TTC39B: variants seen among roughly 807,000 people sequenced by gnomAD.
TTC39B encodes tetratricopeptide repeat protein 39B.
In TTC39B, 92 loss-of-function variants were observed where a neutral mutation model predicts 96.6. The ratio of observed to expected loss-of-function variants is 0.95; its 90% CI spans 0.80 to 1.13. The LOEUF (loss-of-function observed/expected upper bound fraction) is 1.13. Among genes scored for constraint, TTC39B ranks in the 50% most tolerant of loss-of-function variants. TTC39B has a pLI of 0.00. For missense variants in TTC39B, 955 were observed against 809.3 expected (o/e 1.18, Z -2.18); for synonymous variants, 367 against 299.4 (o/e 1.23, Z -2.33).
At chr9:15,202,646 A>T (rs971248413) in intron 7 of TTC39B, among the ~76,000 whole-genome samples, 3 of 151,766 alleles carry the variant, frequency 2.0e-5, no homozygotes, top group Non-Finnish European at 4.4e-5. Flanking sequence ...CAGGAGGCAG[A>T]CGTTGCAGTG....
At chr9:15,248,100 A>AGAT (rs1437172617) in intron 2 of TTC39B, among the ~76,000 whole-genome samples, 1 of 152,242 alleles carries the variant, frequency 6.6e-6, no homozygotes, top group Non-Finnish European at 1.5e-5. Context: ...GATTTACCAT[A>AGAT]GATACTGGGC....
chr9:15,247,496 C>A (rs1271535866), intron 2 of TTC39B, among the ~76,000 whole-genome samples: 2 of 152,238 alleles, frequency 1.3e-5, no homozygotes, highest in East Asian at 3.9e-4. Context: ...GTGTACAACT[C>A]TGAACATGGC....
In TTC39B at chr9:15,203,819, T is replaced by C. The variant is rs929811841; in HGVS notation, c.759+4A>G. On this transcript the variant is annotated splice_donor_region_variant and intron_variant, in intron 7 of 19. Coordinates refer to ENST00000512701, the Ensembl canonical transcript of TTC39B. Reference sequence around the variant, plus strand: ...ATACGAATTCCAAGCCAAATATTCATTACCTGCACAAACGTGAGTGCAGCT... The same window carrying C: ...ATACGAATTCCAAGCCAAATATTCACTACCTGCACAAACGTGAGTGCAGCT... 1.9e-6 allele frequency: 3 copies of C among 1,611,064 alleles called. No homozygotes were observed. In the African/African-American group the frequency reaches 4.0e-5, roughly 22 times the overall value.
At chr9:15,166,983 TA>T (rs60830990) in exon 20 of TTC39B, 529 of 4,330 alleles carry the variant, frequency 0.12, 17 homozygotes, top group African/African-American at 0.22. Context: ...ACCTTTATTT[TA>T]TATATATATA....
intron 4 of TTC39B, 64 bp downstream of exon 4, chr9:15,214,075 G>C: frequency 8.1e-7 from 1 of 1,233,826 alleles, no homozygotes; most frequent in Non-Finnish European, 1.2e-6. Context: ...TTACAAGCAT[G>C]ACATCAAAGA....
chr9:15,242,394 C>A (rs1822084177), intron 2 of TTC39B, among the ~76,000 whole-genome samples: 2 of 152,080 alleles, frequency 1.3e-5, no homozygotes, highest in Admixed American at 1.3e-4. Context: ...CCAGCCTGGG[C>A]AACATAGGGA....
At chr9:15,285,302 C>G (rs974335246) in intron 1 of TTC39B, among the ~76,000 whole-genome samples, 3 of 151,910 alleles carry the variant, frequency 2.0e-5, no homozygotes, top group Non-Finnish European at 4.4e-5. Context: ...CCTTTCATGC[C>G]CAGTGTATTT....
At chr9:15,250,722 C>T (rs1341922309) in intron 2 of TTC39B, among the ~76,000 whole-genome samples, 1 of 152,104 alleles carries the variant, frequency 6.6e-6, no homozygotes, top group African/African-American at 2.4e-5. Flanking sequence ...AGTTCAAAGA[C>T]CCTAAGATAG....
chr9:15,217,479 G>A (rs996352003), intron 3 of TTC39B, among the ~76,000 whole-genome samples: 19 of 152,114 alleles, frequency 1.2e-4, no homozygotes, highest in Middle Eastern at 3.2e-3. Flanking sequence ...AGTGGTTTAC[G>A]ATGATGCTCA....
intron 1 of TTC39B, among the ~76,000 whole-genome samples, chr9:15,271,163 G>GA (rs1254070071): frequency 6.6e-6 from 1 of 151,972 alleles, no homozygotes; most frequent in African/African-American, 2.4e-5. Flanking sequence ...GAGATGAAGG[G>GA]GTGCCATATC....
chr9:15,304,820 C>G (rs1824707188), intron 1 of TTC39B, among the ~76,000 whole-genome samples: 1 of 152,184 alleles, frequency 6.6e-6, no homozygotes, highest in Non-Finnish European at 1.5e-5. Flanking sequence ...AGGACCTTGT[C>G]TGTCTTGTTC....
At chr9:15,277,508 C>G (rs1823590443) in intron 1 of TTC39B, among the ~76,000 whole-genome samples, 1 of 152,114 alleles carries the variant, frequency 6.6e-6, no homozygotes, top group Non-Finnish European at 1.5e-5. Flanking sequence ...GTTATGGAAC[C>G]TCTGCTCACC....
At chr9:15,197,319 T>C (rs995193494) in intron 8 of TTC39B, among the ~76,000 whole-genome samples, 4 of 152,240 alleles carry the variant, frequency 2.6e-5, no homozygotes, top group Admixed American at 6.5e-5. Context: ...CATTCGTTTA[T>C]ACCTTCTAAA....
intron 8 of TTC39B, among the ~76,000 whole-genome samples, chr9:15,198,390 G>C (rs773804492): frequency 2.1e-4 from 32 of 151,566 alleles, no homozygotes; most frequent in Non-Finnish European, 4.1e-4. Flanking sequence ...CCAGGAGGCA[G>C]AGGTTGCAGT....
intron 1 of TTC39B, among the ~76,000 whole-genome samples, chr9:15,274,158 T>G (rs560008612): frequency 6.6e-6 from 1 of 152,310 alleles, no homozygotes; most frequent in East Asian, 1.9e-4. Flanking sequence ...AAAGTACTGA[T>G]TTTTCTAAGT....
In TTC39B at chr9:15,287,933, G is replaced by A. The variant is rs556091309; in HGVS notation, c.240+19151C>T. 3.4e-4 allele frequency among the ~76,000 whole-genome samples: 40 copies of A among 118,830 alleles called. No individual in the cohort carries two copies. The South Asian group carries it at 4.8e-3, about 14-fold the overall frequency. 78.0% of individuals were successfully genotyped at this position (118,830 alleles called of 152,430 possible). ...TGCACTCCAGCCTGGGCGACAGGGCGAGACTCCATCTCAAAAAAAAAAAAA... is the reference window on the plus strand; with the variant it reads ...TGCACTCCAGCCTGGGCGACAGGGCAAGACTCCATCTCAAAAAAAAAAAAA... On this transcript the variant is annotated intron_variant, in intron 1 of 19. Coordinates refer to ENST00000512701, the Ensembl canonical transcript of TTC39B.
chr9:15,275,461 G>C (rs1471064582), intron 1 of TTC39B, among the ~76,000 whole-genome samples: 1 of 152,158 alleles, frequency 6.6e-6, no homozygotes, highest in African/African-American at 2.4e-5. Flanking sequence ...TAGAAACTGG[G>C]GATATGGAGT....
At chr9:15,222,065 A>G (rs1820873719) in intron 3 of TTC39B, among the ~76,000 whole-genome samples, 1 of 152,204 alleles carries the variant, frequency 6.6e-6, no homozygotes, top group African/African-American at 2.4e-5. Flanking sequence ...AGAAGGTGGG[A>G]TGTATTCCCA....
exon 20 of TTC39B, chr9:15,163,945 A>G (rs368045917): frequency 1.7e-3 from 262 of 152,338 alleles, no homozygotes; most frequent in African/African-American, 6.2e-3. Context: ...ATCATAGACA[A>G]TAACATTAAC....
Sources: allele counts gnomAD v4.1 joint callset (sites outside exome capture counted in the v4.1 genomes callset), GRCh38; gene constraint gnomAD v4.1.1; transcripts MANE v1.5; gene names NCBI Gene and HGNC (gene_info 2026-07-23, HGNC 2026-07-21).